SHANK2: variants seen among roughly 807,000 people sequenced by gnomAD.
The protein encoded by SHANK2 is SH3 and multiple ankyrin repeat domains 2.
Under a neutral mutation model 133.7 loss-of-function variants are expected in SHANK2, and 43 were observed. That is an observed-to-expected ratio of 0.32 (90% confidence interval 0.25 to 0.41). The LOEUF (loss-of-function observed/expected upper bound fraction) is 0.41. SHANK2 is among the 10% of genes least tolerant of loss of function. The pLI is 1.00. For missense variants in SHANK2, 1,994 were observed against 2,235.8 expected (o/e 0.89, Z 2.18); for synonymous variants, 1,017 against 952.8 (o/e 1.07, Z -1.24).
chr11:71,116,203 A>G (rs1555100306), intron 4 of SHANK2, among the ~76,000 whole-genome samples: 1 of 152,218 alleles, frequency 6.6e-6, no homozygotes, highest in East Asian at 1.9e-4. Context: ...ATCCCTAGTC[A>G]CTGAGTAGAG....
At chr11:70,875,257 G>A (rs1349849645) in intron 11 of SHANK2, among the ~76,000 whole-genome samples, 3 of 152,038 alleles carry the variant, frequency 2.0e-5, no homozygotes, top group African/African-American at 7.3e-5. Flanking sequence ...CGTGTACCTG[G>A]GGCAGACAGC....
chr11:70,703,599 T>C (rs370928037), intron 14 of SHANK2, among the ~76,000 whole-genome samples: 4 of 152,216 alleles, frequency 2.6e-5, no homozygotes, highest in East Asian at 1.9e-4. Context: ...TCCCTGGATC[T>C]CACTGGTGAA....
At chr11:70,600,438 GAAAAGAAAAAGA>G (rs1554990815) in intron 17 of SHANK2, among the ~76,000 whole-genome samples, 1 of 125,378 alleles carries the variant, frequency 8.0e-6, no homozygotes, top group African/African-American at 3.0e-5. Flanking sequence ...AAAAAAAAAA[GAAAAGAAAAAGA>G]AAAAGAAAAA....
intron 14 of SHANK2, among the ~76,000 whole-genome samples, chr11:70,747,756 C>A (rs565148167): frequency 6.6e-6 from 1 of 152,168 alleles, no homozygotes; most frequent in East Asian, 1.9e-4. Flanking sequence ...TGAACAGGCA[C>A]GTGTGTGCAT....
intron 14 of SHANK2, among the ~76,000 whole-genome samples, chr11:70,727,771 C>A (rs1430118880): frequency 1.3e-5 from 2 of 152,212 alleles, no homozygotes; most frequent in Non-Finnish European, 2.9e-5. Flanking sequence ...CCCAGCCCTA[C>A]CCGCAAGCAT....
chr11:70,816,108 G>A (rs1438660074), intron 12 of SHANK2, among the ~76,000 whole-genome samples: 2 of 152,222 alleles, frequency 1.3e-5, no homozygotes, highest in Admixed American at 6.5e-5. Context: ...AGATGAAGAC[G>A]ACCCTAAGAG....
chr11:70,637,954 G>A (rs1442274577), intron 17 of SHANK2, among the ~76,000 whole-genome samples: 1 of 152,170 alleles, frequency 6.6e-6, no homozygotes, highest in African/African-American at 2.4e-5. Context: ...CAGGCCCACT[G>A]AGCACAGGTT....
At chr11:71,172,059 T>A (rs1555112298) in intron 2 of SHANK2, among the ~76,000 whole-genome samples, 1 of 152,106 alleles carries the variant, frequency 6.6e-6, no homozygotes, top group African/African-American at 2.4e-5. Context: ...GCCCAAGGGT[T>A]GAACAAGGTG....
intron 2 of SHANK2, among the ~76,000 whole-genome samples, chr11:71,187,912 G>A (rs2135569026): frequency 6.6e-6 from 1 of 152,284 alleles, no homozygotes; most frequent in East Asian, 1.9e-4. Flanking sequence ...CTGTGCATGT[G>A]GTGCCGGGTG....
At chr11:71,216,648 C>T (rs1340499364) in intron 2 of SHANK2, among the ~76,000 whole-genome samples, 3 of 152,144 alleles carry the variant, frequency 2.0e-5, no homozygotes, top group Non-Finnish European at 2.9e-5. Flanking sequence ...TATGCAATGG[C>T]GGTCCCATAA....
intron 5 of SHANK2, among the ~76,000 whole-genome samples, chr11:71,110,794 C>T (rs77337298): frequency 0.051 from 7,697 of 152,260 alleles, 432 homozygotes; most frequent in African/African-American, 0.14. Flanking sequence ...ATCCCCTCAC[C>T]GTTCGCCATC....
intron 2 of SHANK2, among the ~76,000 whole-genome samples, chr11:71,223,216 C>T (rs1215576050): frequency 6.6e-6 from 1 of 152,116 alleles, no homozygotes; most frequent in East Asian, 1.9e-4. Flanking sequence ...GTGGCCAGGA[C>T]CAGGGTAGTC....
intron 11 of SHANK2, among the ~76,000 whole-genome samples, chr11:70,872,575 G>T (rs1233351662): frequency 6.6e-6 from 1 of 151,922 alleles, no homozygotes; most frequent in African/African-American, 2.4e-5. Context: ...TCAGATGGAG[G>T]GAATAGGGGG....
chr11:70,618,192 G>T (rs1175006968), intron 17 of SHANK2, among the ~76,000 whole-genome samples: 1 of 151,306 alleles, frequency 6.6e-6, no homozygotes, highest in African/African-American at 2.4e-5. Context: ...TACTCAGGAG[G>T]CTGAAGCAGG....
At chr11:71,082,947 C>CCCCCCCCA (rs1951321014) in intron 8 of SHANK2, among the ~76,000 whole-genome samples, 1 of 147,064 alleles carries the variant, frequency 6.8e-6, no homozygotes, top group African/African-American at 2.6e-5. Flanking sequence ...ACGCCCGCCC[C>CCCCCCCCA]CCCCCCAACC....
At chr11:70,815,143 CG>C (rs1361654172) in intron 12 of SHANK2, among the ~76,000 whole-genome samples, 1 of 151,448 alleles carries the variant, frequency 6.6e-6, no homozygotes, top group African/African-American at 2.4e-5. Flanking sequence ...CCTACCCTCC[CG>C]GACCAGCACC....
chr11:70,699,439 C>A (rs1043314932), intron 14 of SHANK2, among the ~76,000 whole-genome samples: 1 of 152,130 alleles, frequency 6.6e-6, no homozygotes, highest in Non-Finnish European at 1.5e-5. Flanking sequence ...TAAAACATAG[C>A]AGCTCACGAG....
At chr11:71,056,603 GA>G (rs1258575429) in intron 9 of SHANK2, 45 bp from the exon 10 acceptor site, 1 of 152,234 alleles carries the variant, frequency 6.6e-6, no homozygotes, top group Non-Finnish European at 1.5e-5. Context: ...TGGTAGCACA[GA>G]CATTCTCCAA....
intron 17 of SHANK2, among the ~76,000 whole-genome samples, chr11:70,615,302 T>C (rs1409717755): frequency 1.3e-5 from 2 of 152,168 alleles, no homozygotes; most frequent in African/African-American, 4.8e-5. Context: ...GACTGTCCTC[T>C]AGGTGGCCTT....
Sources: gnomAD v4.1 joint callset for allele counts (sites outside exome capture counted in the v4.1 genomes callset) on GRCh38, gnomAD v4.1.1 for gene constraint, MANE v1.5 for transcripts, NCBI Gene and HGNC (gene_info 2026-07-23, HGNC 2026-07-21) for gene names.